Variants in NRG1 observed in about 807,000 individuals in gnomAD.
NRG1 encodes the protein pro-neuregulin-1, membrane-bound isoform.
Under a neutral mutation model 63.8 loss-of-function variants are expected in NRG1, and 18 were observed. The observed-to-expected ratio is 0.28, with a 90% CI of 0.19 to 0.42. The LOEUF (loss-of-function observed/expected upper bound fraction) is 0.42. NRG1 is among the 10% of genes least tolerant of loss of function. NRG1 has a pLI of 1.00. For missense variants in NRG1, 762 were observed against 814.7 expected (o/e 0.94, Z 0.79); for synonymous variants, 302 against 301.3 (o/e 1.00, Z -0.02).
intron 7 of NRG1, chr8:32,749,777 A>C: frequency 1.6e-6 from 1 of 624,556 alleles, no homozygotes. Context: ...TGAGTGCAGC[A>C]GGTTTTAGAT....
intron 1 of NRG1, among the ~76,000 whole-genome samples, chr8:31,819,120 C>A (rs1241083673): frequency 6.6e-6 from 1 of 151,996 alleles, no homozygotes; most frequent in Non-Finnish European, 1.5e-5. Flanking sequence ...GACCTGTAGT[C>A]CCCAGCTACT....
At chr8:32,009,307 G>T (rs1357871082) in intron 1 of NRG1, among the ~76,000 whole-genome samples, 2 of 152,086 alleles carry the variant, frequency 1.3e-5, no homozygotes, top group Admixed American at 1.3e-4. Context: ...ATAGTCTGCT[G>T]ATTTTAAGGT....
chr8:32,642,047 A>G (rs1193693004), intron 5 of NRG1, among the ~76,000 whole-genome samples: 1 of 152,206 alleles, frequency 6.6e-6, no homozygotes, highest in African/African-American at 2.4e-5. Context: ...GAGTTTCGCT[A>G]GATCAGGCTA....
At chr8:31,970,733 C>T (rs1029304213) in intron 1 of NRG1, among the ~76,000 whole-genome samples, 3 of 152,068 alleles carry the variant, frequency 2.0e-5, no homozygotes, top group African/African-American at 4.8e-5. Context: ...GACTGCTGTA[C>T]CCACAGTTTA....
intron 1 of NRG1, among the ~76,000 whole-genome samples, chr8:31,988,914 C>A (rs986541259): frequency 6.6e-6 from 1 of 151,880 alleles, no homozygotes; most frequent in African/African-American, 2.4e-5. Context: ...ATAACTTGAC[C>A]CCTCTTTTTG....
At chr8:31,849,395 C>T (rs1220033663) in intron 1 of NRG1, among the ~76,000 whole-genome samples, 1 of 152,206 alleles carries the variant, frequency 6.6e-6, no homozygotes, top group African/African-American at 2.4e-5. Context: ...ATATCGTGAG[C>T]ACTAGTGCTT....
intron 1 of NRG1, among the ~76,000 whole-genome samples, chr8:31,965,836 C>A (rs9649893): frequency 0.75 from 114,609 of 152,102 alleles, 43,848 homozygotes; most frequent in Non-Finnish European, 0.82. Flanking sequence ...GAGCTGGGAA[C>A]CATTATCCTA....
chr8:32,694,239 A>G (rs1589246970), intron 5 of NRG1, among the ~76,000 whole-genome samples: 2 of 152,254 alleles, frequency 1.3e-5, no homozygotes, highest in African/African-American at 4.8e-5. Context: ...ACTTGTTAGT[A>G]TCAATTATTA....
chr8:32,161,100 TG>T (rs1838775933), intron 1 of NRG1, among the ~76,000 whole-genome samples: 1 of 152,206 alleles, frequency 6.6e-6, no homozygotes, highest in African/African-American at 2.4e-5. Flanking sequence ...ATCCACATTT[TG>T]TCCAGAATTC....
intron 9 of NRG1, among the ~76,000 whole-genome samples, chr8:32,757,878 G>T (rs946114612): frequency 1.3e-5 from 2 of 152,146 alleles, no homozygotes; most frequent in Non-Finnish European, 2.9e-5. Flanking sequence ...TAATTGTTAA[G>T]TATTTTTTTC....
intron 1 of NRG1, among the ~76,000 whole-genome samples, chr8:31,882,391 C>T (rs944446992): frequency 2.1e-5 from 3 of 143,636 alleles, no homozygotes; most frequent in Non-Finnish European, 4.5e-5. Context: ...ATTGACAATA[C>T]ACCTGGTCAC....
At chr8:32,037,549 G>A (rs1187304582) in intron 1 of NRG1, among the ~76,000 whole-genome samples, 1 of 152,154 alleles carries the variant, frequency 6.6e-6, no homozygotes, top group Non-Finnish European at 1.5e-5. Flanking sequence ...GTTGATTCAC[G>A]ATACCGCAGC....
At chr8:31,969,787 C>A (rs370017343) in intron 1 of NRG1, among the ~76,000 whole-genome samples, 1 of 152,090 alleles carries the variant, frequency 6.6e-6, no homozygotes, top group South Asian at 2.1e-4. Flanking sequence ...AAAACCCCTC[C>A]TTTAGGATGT....
At chr8:31,927,605 C>T (rs1406411636) in intron 1 of NRG1, among the ~76,000 whole-genome samples, 59 of 149,924 alleles carry the variant, frequency 3.9e-4, no homozygotes, top group African/African-American at 1.3e-3. Flanking sequence ...CCCGCCACTA[C>T]GCCCGGCTAA....
intron 1 of NRG1, among the ~76,000 whole-genome samples, chr8:31,966,755 T>G (rs1284089969): frequency 6.6e-6 from 1 of 152,162 alleles, no homozygotes; most frequent in African/African-American, 2.4e-5. Flanking sequence ...GTAATACAGG[T>G]AGGCCATTAT....
intron 1 of NRG1, among the ~76,000 whole-genome samples, chr8:32,590,381 A>G (rs1842313665): frequency 6.6e-6 from 1 of 152,216 alleles, no homozygotes; most frequent in African/African-American, 2.4e-5. Context: ...GAGCAAAATT[A>G]TGAACTGCGG....
chr8:32,761,012 G>A (rs1363798352), intron 11 of NRG1: 1 of 985,384 alleles, frequency 1.0e-6, no homozygotes, highest in Non-Finnish European at 1.2e-6. Context: ...TTCACGGGTG[G>A]TTTTCAAAGC....
At chr8:31,642,086 C>T (rs1307786798) in intron 1 of NRG1, among the ~76,000 whole-genome samples, 1 of 152,092 alleles carries the variant, frequency 6.6e-6, no homozygotes, top group Non-Finnish European at 1.5e-5. Context: ...GAGAGTGGTG[C>T]TGAAGAAAGC....
intron 1 of NRG1, among the ~76,000 whole-genome samples, chr8:31,850,438 C>T (rs184667011): frequency 6.6e-6 from 1 of 152,134 alleles, no homozygotes; most frequent in Non-Finnish European, 1.5e-5. Flanking sequence ...GTTATGTGAC[C>T]TGAGGGTCCA....
Sources: allele counts gnomAD v4.1 joint callset (sites outside exome capture counted in the v4.1 genomes callset), GRCh38; gene constraint gnomAD v4.1.1; transcripts MANE v1.5; gene names NCBI Gene and HGNC (gene_info 2026-07-23, HGNC 2026-07-21).